Variants in GPR119 observed in about 807,000 individuals in gnomAD.
GPR119 encodes glucose-dependent insulinotropic receptor.
GPR119 carries 7 observed loss-of-function variants against 13.3 expected under a neutral mutation model. The observed-to-expected ratio is 0.53, with a 90% CI of 0.30 to 0.99. GPR119 has a LOEUF of 0.99. GPR119 is among the 50% of genes least tolerant of loss of function. GPR119 has a pLI of 0.06. For missense variants in GPR119, 197 were observed against 263.0 expected (o/e 0.75, Z 1.74); for synonymous variants, 107 against 112.5 (o/e 0.95, Z 0.31).
At position 130,382,560 on chromosome X, in the gene GPR119, A is replaced by T. The variant is rs1433065530; in HGVS notation, c.*5-9T>A. Among the ~76,000 whole-genome samples the T allele has an allele frequency of 9.0e-6, 1 of 111,643 alleles. No individual in the cohort carries two copies. Among genetic ancestry groups the T allele is most frequent in the South Asian group, 3.8e-4 (1 of 2,660 alleles). The stretch of plus-strand genomic sequence containing the variant: ...ACTGGTAAGCAAAGCGACTGCAAAA[A>T]ATTTACCAAAAGTGGGTTGATGTGT... On this transcript the variant is annotated splice_polypyrimidine_tract_variant and intron_variant, in intron 1 of 1. Transcript: ENST00000682440.
Position 130,384,542 on chromosome X carries a change from G to A in GPR119, c.906C>T (p.Thr302=). The A allele has an allele frequency of 5.0e-6, 6 of 1,211,576 alleles. No individual in the cohort carries two copies. The highest frequency in any genetic ancestry group is 6.7e-6 in the Non-Finnish European group (6 of 895,091). Residue 302 remains threonine, a synonymous_variant, in exon 1 of 2, where the codon ACC becomes ACT. Transcript: ENST00000682440. ...HMALGVKKVL[T]SFLLFLSARN... ...TGGCCGAGAGAAAGAGGAGGAATGA[G>A]GTGAGCACCTTCTTCACTCCTAGGG... is the stretch of plus-strand genomic sequence containing the variant.
chrX:130,384,524 G>C lies in GPR119; in HGVS notation c.924C>G (p.Leu308=). The C allele has an allele frequency of 8.3e-7, 1 of 1,211,700 alleles. No homozygotes were observed. Among genetic ancestry groups the C allele is most frequent in the East Asian group, 3.0e-5 (1 of 33,848 alleles). The change falls in exon 1 of 2, where the codon CTC becomes CTG. Residue 308 remains leucine (L), a synonymous_variant. Transcript: ENST00000682440. The stretch of plus-strand genomic sequence containing the variant: ...TCTCTGGGCCACAATTCCTGGCCGA[G>C]AGAAAGAGGAGGAATGAGGTGAGCA... ...KKVLTSFLLF[L]SARNCGPERP...
At position 130,382,377 on chromosome X, in the gene GPR119, C is replaced by A. The variant is rs190127747; in HGVS notation, c.*179G>T. On this transcript the variant is annotated 3_prime_UTR_variant, in exon 2 of 2. Coordinates refer to ENST00000682440, the MANE Select transcript of GPR119 (RefSeq NM_178471.3). ...AGTTCCCAGTAACTCACAATACAAT[C>A]CAAGAATGTGCCTTATTGCTGGCCT... Among the ~76,000 whole-genome samples, 2 of 111,601 alleles carry A rather than the reference C, an allele frequency of 1.8e-5. No homozygotes were observed. The highest frequency in any genetic ancestry group is 9.6e-5 in the Admixed American group (1 of 10,435).
Position 130,385,384 on chromosome X carries a change from T to C in GPR119, c.64A>G (p.Asn22Asp). Residue 22 changes from asparagine (N) to aspartate (D), a missense_variant, in exon 1 of 2, where the codon AAC (asparagine) becomes GAC (aspartate). Physicochemically the swap from Asn to Asp is conservative, Grantham distance 23. Coordinates refer to ENST00000682440, the MANE Select transcript of GPR119 (RefSeq NM_178471.3). ...AGCACAGCCACAGCCACTAGTGTGT[T>C]AGTAGCAATGATGAGGGAGGCCAGG... is the stretch of plus-strand genomic sequence containing the variant. ...AVLASLIIAT[N>D]TLVAVAVLLL... 1 of 1,210,416 alleles carries C rather than the reference T, an allele frequency of 8.3e-7. No individual in the cohort carries two copies. Among genetic ancestry groups the C allele is most frequent in the Non-Finnish European group, 1.1e-6 (1 of 894,377 alleles).
Position 130,385,427 on chromosome X carries a change from A to C in GPR119, c.21T>G (p.Phe7Leu). MESSFS[F>L]GVILAVLASL... ...AGGCCAGGACAGCAAGGATCACTCC[A>C]AATGAGAAAGATGATTCCATGTCTC... Residue 7 changes from phenylalanine (F) to leucine (L), a missense_variant, in exon 1 of 2, where the codon TTT becomes TTG. Physicochemically the swap from Phe to Leu is conservative, Grantham distance 22. Transcript: ENST00000682440. 8.3e-7 allele frequency: 1 copy of C among 1,209,299 alleles called. No individual in the cohort carries two copies. Among genetic ancestry groups the C allele is most frequent in the Non-Finnish European group, 1.1e-6 (1 of 893,498 alleles).
At position 130,385,066 on chromosome X, in the gene GPR119, C is replaced by T. The variant is rs1172172902; in HGVS notation, c.382G>A (p.Gly128Arg). 2 of 1,211,984 alleles carry T rather than the reference C, an allele frequency of 1.7e-6. No individual in the cohort carries two copies. The highest frequency in any genetic ancestry group is 2.2e-6 in the Non-Finnish European group (2 of 895,550). ...SGFVAGACIA[G>R]LWLVSYLIGF... Reference sequence around the variant, plus strand: ...ATGAGGTAAGACACTAACCACAGCCCGGCAATGCAGGCCCCGGCCACGAAC... The same window carrying T: ...ATGAGGTAAGACACTAACCACAGCCTGGCAATGCAGGCCCCGGCCACGAAC... Residue 128 changes from glycine to arginine, a missense_variant, in exon 1 of 2, where the codon GGG becomes AGG. Coordinates refer to ENST00000682440, the MANE Select transcript of GPR119 (RefSeq NM_178471.3).
In GPR119 at chrX:130,381,253, C is replaced by G. The variant is rs757071624; in HGVS notation, c.*1303G>C. Among the ~76,000 whole-genome samples the G allele has an allele frequency of 2.7e-5, 3 of 111,259 alleles. No individual in the cohort carries two copies. Among genetic ancestry groups the G allele is most frequent in the African/African-American group, 9.8e-5 (3 of 30,574 alleles). On this transcript the variant is annotated 3_prime_UTR_variant, in exon 2 of 2. Coordinates refer to ENST00000682440, the MANE Select transcript of GPR119 (RefSeq NM_178471.3). ...GCAACCTCTGCCGCCCAGGTTCAAG[C>G]GATTTTCCTGCCTTAGCCTCTTGAG... is the stretch of plus-strand genomic sequence containing the variant.
At chrX:130,384,050 C>T (rs1056458676) in intron 1 of GPR119, among the ~76,000 whole-genome samples, 2 of 112,442 alleles carry the variant, frequency 1.8e-5, no homozygotes, top group African/African-American at 3.2e-5. Context: ...CTTTATAAAA[C>T]GGTTACTGGA....
chrX:130,383,848 A>C (rs1318195609), intron 1 of GPR119, among the ~76,000 whole-genome samples: 4 of 112,145 alleles, frequency 3.6e-5, no homozygotes, highest in Non-Finnish European at 7.5e-5. Context: ...CACTAGCCAC[A>C]TGTGGCTACT....
Position 130,384,576 on chromosome X carries a change from T to C in GPR119, c.872A>G (p.Tyr291Cys), listed in dbSNP as rs2034373733. ...YWQKEVRLQL[Y>C]HMALGVKKVL... ...CTTCTTCACTCCTAGGGCCATGTGG[T>C]AGAGCTGCAGTCGCACCTCCTTCTG... The change falls in exon 1 of 2, where the codon TAC becomes TGC. Residue 291 changes from tyrosine (Y) to cysteine (C), a missense_variant. Tyr to Cys is a radical substitution (Grantham distance 194). Transcript: ENST00000682440. 1 of 1,211,959 alleles carries C rather than the reference T, an allele frequency of 8.3e-7. No homozygotes were observed.
intron 1 of GPR119, among the ~76,000 whole-genome samples, chrX:130,383,223 T>C (rs2034366143): frequency 8.9e-6 from 1 of 111,962 alleles, no homozygotes; most frequent in South Asian, 3.8e-4. Context: ...GCTGCCAGGT[T>C]GCCCAGAGGG....
chrX:130,383,413 G>T, intron 1 of GPR119, among the ~76,000 whole-genome samples: 1 of 112,084 alleles, frequency 8.9e-6, no homozygotes, highest in South Asian at 3.7e-4. Context: ...GAGCTTGGCT[G>T]TGCCTGCCTT....
At position 130,382,161 on chromosome X, in the gene GPR119, C is replaced by CT. The variant is rs11433896; in HGVS notation, c.*394dup. Among the ~76,000 whole-genome samples, 48,156 of 106,508 alleles carry CT rather than the reference C, an allele frequency of 0.45. 8,298 individuals are homozygous for CT. Among genetic ancestry groups the CT allele is most frequent in the African/African-American group, 0.53 (15,611 of 29,234 alleles). 92.5% of individuals were successfully genotyped at this position (106,508 alleles called of 115,157 possible). ...GGAATGATTAAATCAGGCTAATTTA[C>CT]TTTTTTTTTTCTAAAAGGACCTTGG... On this transcript the variant is annotated 3_prime_UTR_variant, in exon 2 of 2. Coordinates refer to ENST00000682440, the MANE Select transcript of GPR119 (RefSeq NM_178471.3).
chrX:130,385,035 A>C lies in GPR119; in HGVS notation c.413T>G (p.Phe138Cys). Residue 138 changes from phenylalanine (F) to cysteine (C), a missense_variant, in exon 1 of 2, where the codon TTC (phenylalanine) becomes TGC (cysteine). Physicochemically the swap from Phe to Cys is radical, Grantham distance 205. Transcript: ENST00000682440. Reference sequence around the variant, plus strand: ...GAACATGGGGATTCCGAGTGGGAGGAAGCCAATGAGGTAAGACACTAACCA... The same window carrying C: ...GAACATGGGGATTCCGAGTGGGAGGCAGCCAATGAGGTAAGACACTAACCA... The part of the protein sequence containing the change: ...GLWLVSYLIG[F>C]LPLGIPMFQQ... The C allele has an allele frequency of 8.3e-7, 1 of 1,211,872 alleles. No homozygotes were observed. The highest frequency in any genetic ancestry group is 1.8e-5 in the South Asian group (1 of 56,994).
Position 130,380,682 on chromosome X carries a change from A to G in GPR119, c.*1874T>C, listed in dbSNP as rs2034354677. ...GAGACCCTGTCTCTACAAAATATAA[A>G]TAAATTAGCTGGGCATGGTGGCATG... is the stretch of plus-strand genomic sequence containing the variant. On this transcript the variant is annotated 3_prime_UTR_variant, in exon 2 of 2. Coordinates refer to ENST00000682440, the MANE Select transcript of GPR119 (RefSeq NM_178471.3). Among the ~76,000 whole-genome samples the G allele has an allele frequency of 9.0e-6, 1 of 111,716 alleles. No homozygotes were observed. Among genetic ancestry groups the G allele is most frequent in the African/African-American group, 3.3e-5 (1 of 30,695 alleles).
rs1470257900 is a variant in GPR119 at position 130,379,995 on chromosome X, T to C, written c.*2561A>G. Reference sequence around the variant, plus strand: ...CGATTGGCATTTGTAGGCACCATCATTGAATTTATAAGATTGCAGAAATAA... The same window carrying C: ...CGATTGGCATTTGTAGGCACCATCACTGAATTTATAAGATTGCAGAAATAA... On this transcript the variant is annotated 3_prime_UTR_variant, in exon 2 of 2. Transcript: ENST00000682440. Among the ~76,000 whole-genome samples, 2 of 112,262 alleles carry C rather than the reference T, an allele frequency of 1.8e-5. No homozygotes were observed. Among genetic ancestry groups the C allele is most frequent in the Admixed American group, 9.5e-5 (1 of 10,580 alleles).
chrX:130,384,523 A>G lies in GPR119; in HGVS notation c.925T>C (p.Ser309Pro). The stretch of plus-strand genomic sequence containing the variant: ...CTCTCTGGGCCACAATTCCTGGCCG[A>G]GAGAAAGAGGAGGAATGAGGTGAGC... ...KVLTSFLLFL[S>P]ARNCGPERPR... Residue 309 changes from serine (S) to proline (P), a missense_variant, in exon 1 of 2, where the codon TCG becomes CCG. Coordinates refer to ENST00000682440, the MANE Select transcript of GPR119 (RefSeq NM_178471.3). The G allele has an allele frequency of 8.3e-7, 1 of 1,211,619 alleles. No homozygotes were observed. The highest frequency in any genetic ancestry group is 2.2e-5 in the Admixed American group (1 of 46,053).
rs774330136 is a variant in GPR119, at chrX:130,385,357, G to A, written c.91C>T (p.Leu31=). 2 of 1,211,377 alleles carry A rather than the reference G, an allele frequency of 1.7e-6. No individual in the cohort carries two copies. Among genetic ancestry groups the A allele is most frequent in the Admixed American group, 4.3e-5 (2 of 46,083 alleles). ...TNTLVAVAVL[L]LIHKNDGVSL... ...ACACCATCATTCTTGTGGATCAACA[G>A]CAGCACAGCCACAGCCACTAGTGTG... The change falls in exon 1 of 2, where the codon CTG becomes TTG. Residue 31 remains leucine, a synonymous_variant. Transcript: ENST00000682440.
chrX:130,380,083 C>T lies in GPR119; in HGVS notation c.*2473G>A, dbSNP rs1007725109. 5.3e-5 allele frequency among the ~76,000 whole-genome samples: 6 copies of T among 112,187 alleles called. No homozygotes were observed. Among genetic ancestry groups the T allele is most frequent in the African/African-American group, 1.6e-4 (5 of 30,878 alleles). ...GACCTGTCAGCAGTTTGAAGGATGA[C>T]GTGGAAAATACTGAAGGAGCCACAG... On this transcript the variant is annotated 3_prime_UTR_variant, in exon 2 of 2. Transcript: ENST00000682440.
Sources: allele counts gnomAD v4.1 joint callset (sites outside exome capture counted in the v4.1 genomes callset), GRCh38; gene constraint gnomAD v4.1.1; transcripts MANE v1.5; gene names NCBI Gene and HGNC (gene_info 2026-07-23, HGNC 2026-07-21).